BASP1: variants seen among roughly 807,000 people sequenced by gnomAD.
BASP1 encodes brain abundant membrane attached signal protein 1, also known as brain acid soluble protein 1.
A neutral mutation model predicts 2.2 loss-of-function variants in BASP1; 1 was observed. That is an observed-to-expected ratio of 0.46 (90% CI 0.16 to 2.17). BASP1 has a LOEUF of 2.17. BASP1 is among the 30% of genes most tolerant of loss of function. The pLI is 0.27. For missense variants in BASP1, 352 were observed against 327.2 expected, an observed-to-expected ratio of 1.08 and a Z score of -0.58; for synonymous variants, 187 against 154.2, an observed-to-expected ratio of 1.21 and a Z score of -1.58.
At position 17,275,998 on chromosome 5, in the gene BASP1, C is replaced by T; in HGVS notation, c.*98C>T. The T allele has an allele frequency of 9.4e-7, 1 of 1,066,366 alleles. No homozygotes were observed. Among genetic ancestry groups the T allele is most frequent in the Non-Finnish European group, 1.3e-6 (1 of 779,132 alleles). 66.1% of individuals were successfully genotyped at this position (1,066,366 alleles called of 1,614,324 possible). ...CTCTCTCTCTATCTCCTCTCTCTCT[C>T]TCCTCTCCTATCTCTCCTCTCTCTC... On this transcript the variant is annotated 3_prime_UTR_variant, in exon 2 of 2. Transcript: ENST00000322611. This position sits in a 1 kb window ranked among gnomAD's most constrained non-coding sequence, Gnocchi z 5.3.
chr5:17,253,709 A>G (rs368835145), intron 1 of BASP1, among the ~76,000 whole-genome samples: 2 of 152,168 alleles, frequency 1.3e-5, no homozygotes, highest in Admixed American at 6.5e-5. Flanking sequence ...AAGACCCTCA[A>G]TTACCAAATT....
At chr5:17,238,924 T>C (rs1365179898) in intron 1 of BASP1, among the ~76,000 whole-genome samples, 1 of 152,198 alleles carries the variant, frequency 6.6e-6, no homozygotes, top group African/African-American at 2.4e-5. Context: ...TTCCCAGCTG[T>C]CTGATCAACG....
chr5:17,259,948 A>T (rs1740284607), intron 1 of BASP1, among the ~76,000 whole-genome samples: 1 of 152,206 alleles, frequency 6.6e-6, no homozygotes, highest in African/African-American at 2.4e-5. Context: ...ATGATCTATT[A>T]GTTTCCTGGT....
upstream of BASP1, chr5:17,217,055 A>AGAGAGAGAGAGAGAGT (rs1739253342): frequency 1.1e-5 from 1 of 90,896 alleles, no homozygotes; most frequent in African/African-American, 3.9e-5. Flanking sequence ...AATGAGGGGG[A>AGAGAGAGAGAGAGAGT]GAGAGAGAGA....
rs867727133 is a variant in BASP1, at chr5:17,227,390, T to A, written c.-10+9580T>A. On this transcript the variant is annotated intron_variant, in intron 1 of 1. Coordinates refer to ENST00000322611, the MANE Select transcript of BASP1 (RefSeq NM_006317.5). ...GTACGCCACCAAGCTTGACTAATTT[T>A]TATATATATATATATATACAATATT... Among the ~76,000 whole-genome samples, 115 of 142,206 alleles carry A rather than the reference T, an allele frequency of 8.1e-4. 1 individual carries two copies. The highest frequency in any genetic ancestry group is 1.4e-3 in the South Asian group (6 of 4,294). The allele number at this position is 142,206 out of a possible 152,430, so 93.3% of individuals were successfully genotyped here.
Position 17,275,621 on chromosome 5 carries a change from T to G in BASP1, c.405T>G (p.Pro135=), listed in dbSNP as rs1740631459. Residue 135 remains proline, a synonymous_variant, in exon 2 of 2, where the codon CCT becomes CCG. Transcript: ENST00000322611. This position sits in a 1 kb window ranked among gnomAD's most constrained non-coding sequence, Gnocchi z 5.3. ...CGGCCCCGGCCGAGAGCGCGGCCCC[T>G]GCCGCCGGGGAGGAGCCCAGCAAGG... is the stretch of plus-strand genomic sequence containing the variant. ...AAAAPAESAA[P]AAGEEPSKEE... is the part of the protein sequence containing the mutation. The G allele has an allele frequency of 5.4e-6, 8 of 1,478,944 alleles. No homozygotes were observed. Among genetic ancestry groups the G allele is most frequent in the Non-Finnish European group, 7.2e-6 (8 of 1,118,032 alleles). 91.6% of individuals were successfully genotyped at this position (1,478,944 alleles called of 1,614,324 possible). A position where few individuals can be genotyped will look rare whatever the true frequency, so the allele number is the denominator to read the frequency against.
chr5:17,234,849 T>G (rs1339629872), intron 1 of BASP1, among the ~76,000 whole-genome samples: 1 of 152,244 alleles, frequency 6.6e-6, no homozygotes, highest in African/African-American at 2.4e-5. Context: ...CCACCTCTTT[T>G]GCCTGACTAA....
Position 17,275,525 on chromosome 5 carries a change from G to A in BASP1, c.309G>A (p.Ala103=). The A allele has an allele frequency of 1.4e-6, 2 of 1,435,424 alleles. No homozygotes were observed. The highest frequency in any genetic ancestry group is 1.8e-6 in the Non-Finnish European group (2 of 1,098,884). The allele number at this position is 1,435,424 out of a possible 1,614,324, so 88.9% of individuals were successfully genotyped here. The change falls in exon 2 of 2, where the codon GCG becomes GCA. Residue 103 remains alanine (A), a synonymous_variant. Transcript: ENST00000322611. This position sits in a 1 kb window ranked among gnomAD's most constrained non-coding sequence, Gnocchi z 5.3. ...AGGCCAAGGCTGAGCCCCCGAAGGC[G>A]CCCGAGCAGGAGCAGGCGGCCCCCG... ...AAEAKAEPPK[A]PEQEQAAPGP...
intron 1 of BASP1, among the ~76,000 whole-genome samples, chr5:17,241,811 C>G (rs1739868360): frequency 6.6e-6 from 1 of 152,150 alleles, no homozygotes; most frequent in Admixed American, 6.5e-5. Context: ...AGGAACAAAA[C>G]AGAAGCTCCA....
At chr5:17,237,486 G>A (rs960370340) in intron 1 of BASP1, among the ~76,000 whole-genome samples, 11 of 152,286 alleles carry the variant, frequency 7.2e-5, no homozygotes, top group Admixed American at 2.0e-4. Flanking sequence ...TAGTGACTTC[G>A]GTATGGCTCA....
chr5:17,248,282 G>A (rs1335925073), intron 1 of BASP1, among the ~76,000 whole-genome samples: 2 of 152,210 alleles, frequency 1.3e-5, no homozygotes, highest in African/African-American at 4.8e-5. Context: ...ATCTGGAGTA[G>A]CCTCTGTCGG....
rs181240424 is a variant in BASP1 at position 17,230,524 on chromosome 5, A to T, written c.-10+12714A>T. ...TTCTCAACAAGTGTGGGTGTGGGTA[A>T]GTCTACACTTAACCCTTTTGAGAGG... On this transcript the variant is annotated intron_variant, in intron 1 of 1. Transcript: ENST00000322611. 2.6e-5 allele frequency among the ~76,000 whole-genome samples: 4 copies of T among 152,212 alleles called. 1 individual carries two copies. In the South Asian group the frequency reaches 8.3e-4, roughly 32 times the overall value.
In BASP1 at chr5:17,242,717, A is replaced by G. The variant is rs77519879; in HGVS notation, c.-10+24907A>G. On this transcript the variant is annotated intron_variant, in intron 1 of 1. Transcript: ENST00000322611. ...TGCTTATTAATAATCTGTTTAAAGTATCTGTAATGCTTTGTGTTATAACTT... is the reference window on the plus strand; with the variant it reads ...TGCTTATTAATAATCTGTTTAAAGTGTCTGTAATGCTTTGTGTTATAACTT... 2.5e-3 allele frequency among the ~76,000 whole-genome samples: 387 copies of G among 152,262 alleles called. 8 individuals carry two copies. The East Asian group carries it at 0.054, about 21-fold the overall frequency.
intron 1 of BASP1, among the ~76,000 whole-genome samples, chr5:17,245,650 T>G (rs1414592972): frequency 6.6e-6 from 1 of 152,116 alleles, no homozygotes; most frequent in East Asian, 1.9e-4. Context: ...GTTACTTTTT[T>G]TTTTTTCTCT....
At position 17,251,706 on chromosome 5, in the gene BASP1, T is replaced by G. The variant is rs1178941012; in HGVS notation, c.-9-23502T>G. ...TAAGCATTGGATGTGAGGGTAGCGGTGGTGGTGGTGAAAGTTGGTCCAGAA... is the reference window on the plus strand; with the variant it reads ...TAAGCATTGGATGTGAGGGTAGCGGGGGTGGTGGTGAAAGTTGGTCCAGAA... On this transcript the variant is annotated intron_variant, in intron 1 of 1. Transcript: ENST00000322611. The surrounding 1 kb of genome is among the most constrained non-coding windows in gnomAD (Gnocchi z 4.0). 6.6e-6 allele frequency among the ~76,000 whole-genome samples: 1 copy of G among 152,110 alleles called. No homozygotes were observed. The highest frequency in any genetic ancestry group is 1.5e-5 in the Non-Finnish European group (1 of 68,026).
rs1313720493 is a variant in BASP1, at chr5:17,260,076, TG to T, written c.-9-15131del. 6.6e-6 allele frequency among the ~76,000 whole-genome samples: 1 copy of T among 152,234 alleles called. No homozygotes were observed. Among genetic ancestry groups the T allele is most frequent in the African/African-American group, 2.4e-5 (1 of 41,466 alleles). On this transcript the variant is annotated intron_variant, in intron 1 of 1. Coordinates refer to ENST00000322611, the MANE Select transcript of BASP1 (RefSeq NM_006317.5). The surrounding 1 kb of genome is among the most constrained non-coding windows in gnomAD (Gnocchi z 4.2). ...AGCAGGTGATTCATGTAAAATCATA[TG>T]TTAGGCTGCAATAACTGGGGCTTTT...
At chr5:17,226,896 A>G (rs2126489732) in intron 1 of BASP1, among the ~76,000 whole-genome samples, 1 of 151,950 alleles carries the variant, frequency 6.6e-6, no homozygotes, top group South Asian at 2.1e-4. Flanking sequence ...GATTAGATAA[A>G]GTGTCCTGGA....
intron 1 of BASP1, among the ~76,000 whole-genome samples, chr5:17,271,310 C>T (rs190899004): frequency 4.6e-5 from 7 of 152,142 alleles, no homozygotes; most frequent in East Asian, 3.9e-4. Flanking sequence ...TTTGTAGAGA[C>T]GGGGTTTTGC....
At chr5:17,238,798 T>C (rs147939412) in intron 1 of BASP1, among the ~76,000 whole-genome samples, 3 of 152,344 alleles carry the variant, frequency 2.0e-5, no homozygotes, top group East Asian at 3.9e-4. Context: ...TATGACTCCA[T>C]GCGTTTTCAA....
Sources: gnomAD v4.1 joint callset for allele counts (sites outside exome capture counted in the v4.1 genomes callset) on GRCh38, gnomAD v4.1.1 for gene constraint, Gnocchi (gnomAD v3.1) non-coding constraint, MANE v1.5 for transcripts, NCBI Gene and HGNC (gene_info 2026-07-23, HGNC 2026-07-21) for gene names.